Variants in PBX1 observed in about 807,000 individuals in gnomAD.
PBX1 encodes the protein PBX homeobox 1, also known as pre-B-cell leukemia transcription factor 1.
In PBX1, 6 loss-of-function variants were observed where a neutral mutation model predicts 53.4. The observed-to-expected ratio is 0.11, with a 90% CI of 0.06 to 0.22. The LOEUF is 0.22. PBX1 is among the 10% of genes least tolerant of loss of function. PBX1 has a pLI of 1.00. For missense variants in PBX1, 251 were observed against 551.4 expected, an observed-to-expected ratio of 0.46 and a Z score of 5.46; for synonymous variants, 204 against 212.3, an observed-to-expected ratio of 0.96 and a Z score of 0.34.
At chr1:164,691,571 C>G (rs1219055365) in intron 2 of PBX1, among the ~76,000 whole-genome samples, 1 of 152,174 alleles carries the variant, frequency 6.6e-6, no homozygotes, top group Non-Finnish European at 1.5e-5. Flanking sequence ...TCTAGACACA[C>G]CTGAGGCTGA....
chr1:164,755,470 A>T (rs1406999539), intron 2 of PBX1, among the ~76,000 whole-genome samples: 3 of 152,170 alleles, frequency 2.0e-5, no homozygotes, highest in Non-Finnish European at 4.4e-5. Context: ...GTTATTTTTT[A>T]AAATGTACTT....
chr1:164,757,673 A>C (rs1478819525), intron 2 of PBX1, among the ~76,000 whole-genome samples: 1 of 152,184 alleles, frequency 6.6e-6, no homozygotes, highest in Non-Finnish European at 1.5e-5. Flanking sequence ...GGATTTCTAA[A>C]ATACATTTTT....
At chr1:164,760,605 TTTC>T (rs1412835798) in intron 2 of PBX1, among the ~76,000 whole-genome samples, 3 of 152,308 alleles carry the variant, frequency 2.0e-5, no homozygotes, top group Admixed American at 6.5e-5. Context: ...ACAACTTTCT[TTTC>T]TTCTTCTCTC....
At chr1:164,735,542 G>C (rs1256202577) in intron 2 of PBX1, among the ~76,000 whole-genome samples, 2 of 152,188 alleles carry the variant, frequency 1.3e-5, no homozygotes, top group Non-Finnish European at 2.9e-5. Context: ...ATCGCTAGCT[G>C]CCTGCTATTG....
intron 2 of PBX1, among the ~76,000 whole-genome samples, chr1:164,757,828 A>G (rs1666611994): frequency 6.6e-6 from 1 of 152,114 alleles, no homozygotes; most frequent in South Asian, 2.1e-4. Context: ...CACCAGGCCA[A>G]TTCAGACTGC....
At chr1:164,710,979 T>C (rs1557958752) in intron 2 of PBX1, among the ~76,000 whole-genome samples, 1 of 152,194 alleles carries the variant, frequency 6.6e-6, no homozygotes, top group African/African-American at 2.4e-5. Flanking sequence ...CTAGCAACAA[T>C]AGGGGCAACA....
chr1:164,832,608 T>C (rs564255252), intron 8 of PBX1, among the ~76,000 whole-genome samples: 1 of 152,212 alleles, frequency 6.6e-6, no homozygotes, highest in Middle Eastern at 3.4e-3. Flanking sequence ...ATAAATATGA[T>C]AGCCTGCAAG....
intron 3 of PBX1, among the ~76,000 whole-genome samples, chr1:164,796,862 A>G (rs1376766888): frequency 6.6e-6 from 1 of 152,176 alleles, no homozygotes; most frequent in Non-Finnish European, 1.5e-5. Context: ...TTTAATTAAC[A>G]ATTGTAACCC....
chr1:164,838,914 G>C (rs928706254), intron 8 of PBX1, among the ~76,000 whole-genome samples: 13 of 152,160 alleles, frequency 8.5e-5, no homozygotes, highest in African/African-American at 2.9e-4. Context: ...GCCTAGTCCT[G>C]TAATGGCTTG....
At chr1:164,821,490 T>A (rs1255194823) in intron 7 of PBX1, 47 bp from the exon 8 acceptor site, 1 of 1,460,304 alleles carries the variant, frequency 6.8e-7, no homozygotes, top group East Asian at 2.3e-5. Flanking sequence ...TCCCTTTTCC[T>A]ACACCTCTCT....
At chr1:164,615,104 C>A (rs7552717) in intron 2 of PBX1, among the ~76,000 whole-genome samples, 9,846 of 152,258 alleles carry the variant, frequency 0.065, 853 homozygotes, top group East Asian at 0.4. Flanking sequence ...TTATTCAACT[C>A]TTTCCTTAAT....
chr1:164,870,416 C>G (rs1334736900), intron 2 of PBX1, among the ~76,000 whole-genome samples: 1 of 151,290 alleles, frequency 6.6e-6, no homozygotes, highest in Non-Finnish European at 1.5e-5. Flanking sequence ...ACGATCTTAG[C>G]TCACTGCAAC....
chr1:164,696,498 C>T (rs191258765), intron 2 of PBX1, among the ~76,000 whole-genome samples: 3 of 152,208 alleles, frequency 2.0e-5, no homozygotes, highest in Non-Finnish European at 2.9e-5. Context: ...CCAGGATTGT[C>T]GTAGAGTTTG....
intron 8 of PBX1, among the ~76,000 whole-genome samples, chr1:164,834,095 T>C (rs1344037425): frequency 6.9e-6 from 1 of 145,454 alleles, no homozygotes; most frequent in Admixed American, 6.9e-5. Context: ...TATCTGTGAC[T>C]GTTTTTTCTC....
intron 2 of PBX1, among the ~76,000 whole-genome samples, chr1:164,862,693 G>C (rs1237325619): frequency 6.6e-6 from 1 of 152,114 alleles, no homozygotes; most frequent in Non-Finnish European, 1.5e-5. Context: ...ATAGTATAGG[G>C]CTTCATCTGC....
At chr1:164,574,361 G>A (rs971727111) in intron 2 of PBX1, among the ~76,000 whole-genome samples, 59 of 152,108 alleles carry the variant, frequency 3.9e-4, no homozygotes, top group Admixed American at 4.6e-4. Context: ...ATTATTTTGA[G>A]AACGCCATTT....
intron 2 of PBX1, among the ~76,000 whole-genome samples, chr1:164,777,384 C>T (rs1194488974): frequency 2.0e-5 from 3 of 152,212 alleles, no homozygotes; most frequent in Non-Finnish European, 4.4e-5. Flanking sequence ...GATCTGGCCA[C>T]TGCACTCCAC....
chr1:164,784,710 T>C (rs1402038463), intron 2 of PBX1, among the ~76,000 whole-genome samples: 1 of 152,236 alleles, frequency 6.6e-6, no homozygotes, highest in African/African-American at 2.4e-5. Context: ...AGGACCACGT[T>C]TATTTGGAAA....
intron 2 of PBX1, among the ~76,000 whole-genome samples, chr1:164,686,159 G>A (rs144739739): frequency 1.3e-5 from 2 of 152,192 alleles, no homozygotes; most frequent in African/African-American, 2.4e-5. Flanking sequence ...ATGTGTAAAG[G>A]CCTAACACCC....
Sources: allele counts gnomAD v4.1 joint callset (sites outside exome capture counted in the v4.1 genomes callset), GRCh38; gene constraint gnomAD v4.1.1; transcripts MANE v1.5; gene names NCBI Gene and HGNC (gene_info 2026-07-23, HGNC 2026-07-21).